Variants in ZFPM1 observed in about 807,000 individuals in gnomAD.
ZFPM1 encodes the protein zinc finger protein ZFPM1.
In ZFPM1, 28 loss-of-function variants were observed where a neutral mutation model predicts 46.3. That is an observed-to-expected ratio of 0.60 (90% confidence interval 0.45 to 0.83). ZFPM1 has a LOEUF of 0.83. ZFPM1 is among the 40% of genes least tolerant of loss of function. ZFPM1 has a pLI of 0.00. For missense variants in ZFPM1, 1,878 were observed against 1,432.4 expected (o/e 1.31, Z -5.02); for synonymous variants, 957 against 675.9 (o/e 1.42, Z -6.45).
chr16:88,534,625 G>A lies in ZFPM1; in HGVS notation c.2667G>A (p.Gly889=). Residue 889 remains glycine (G), a synonymous_variant, in exon 10 of 10, where the codon GGG becomes GGA. Transcript: ENST00000319555. ...TCGGCGCGCCCCTGGCCGGCCCGGG[G>A]GTCGAGGCCCGGACGCCGGCCGACC... is the stretch of plus-strand genomic sequence containing the variant. ...LLLGAPLAGP[G]VEARTPADRG... is the part of the protein sequence containing the mutation. 2.7e-6 allele frequency: 3 copies of A among 1,111,204 alleles called. No homozygotes were observed. Among genetic ancestry groups the A allele is most frequent in the Non-Finnish European group, 3.3e-6 (3 of 912,064 alleles). 68.8% of individuals were successfully genotyped at this position (1,111,204 alleles called of 1,614,324 possible).
intron 1 of ZFPM1, among the ~76,000 whole-genome samples, chr16:88,465,117 C>G (rs1273820162): frequency 6.6e-6 from 1 of 152,224 alleles, no homozygotes; most frequent in African/African-American, 2.4e-5. Context: ...GCCCCTGGGC[C>G]AGACCATGAA....
rs1032430144 is a variant in ZFPM1 at position 88,502,053 on chromosome 16, C to T, written c.269-12334C>T. ...CTCCTCCACCCCCGACGCGGCTCCA[C>T]CCGCCCCCCCCCATTTATTTATTTA... On this transcript the variant is annotated intron_variant, in intron 3 of 9. Transcript: ENST00000319555. Among the ~76,000 whole-genome samples, 30 of 46,360 alleles carry T rather than the reference C, an allele frequency of 6.5e-4. 1 individual carries two copies. The highest frequency in any genetic ancestry group is 1.0e-3 in the South Asian group (1 of 956). 30.4% of individuals were successfully genotyped at this position (46,360 alleles called of 152,430 possible).
chr16:88,514,931 G>A lies in ZFPM1; in HGVS notation c.402+411G>A, dbSNP rs1275744705. Among the ~76,000 whole-genome samples the A allele has an allele frequency of 3.3e-5, 5 of 152,164 alleles. No individual in the cohort carries two copies. In the East Asian group the frequency reaches 5.8e-4, roughly 18 times the overall value. The stretch of plus-strand genomic sequence containing the variant: ...GTCTGTCCCCGCGGACTCTTCTGAC[G>A]ACAGGCACGGCCGTCAGGCCCATGG... On this transcript the variant is annotated intron_variant, in intron 4 of 9. Transcript: ENST00000319555.
intron 4 of ZFPM1, chr16:88,516,536 T>G (rs887675746): frequency 1.0e-5 from 4 of 398,684 alleles, no homozygotes; most frequent in Non-Finnish European, 1.8e-5. Context: ...AATTAAATCC[T>G]TGATTAACCC....
At chr16:88,456,387 GTTT>G (rs1425278639) in intron 1 of ZFPM1, among the ~76,000 whole-genome samples, 1 of 151,552 alleles carries the variant, frequency 6.6e-6, no homozygotes, top group Non-Finnish European at 1.5e-5. Context: ...ACTGCTTGGA[GTTT>G]TCTTGAAAAA....
chr16:88,482,862 A>T (rs1399940506), intron 1 of ZFPM1, among the ~76,000 whole-genome samples: 9 of 152,166 alleles, frequency 5.9e-5, no homozygotes, highest in African/African-American at 1.9e-4. Flanking sequence ...TGCTCCCGCC[A>T]AGTCGGGGAT....
intron 4 of ZFPM1, among the ~76,000 whole-genome samples, chr16:88,519,757 G>A (rs1414325551): frequency 7.1e-6 from 1 of 139,980 alleles, no homozygotes; most frequent in Admixed American, 7.0e-5. Flanking sequence ...TAGATGGACA[G>A]ATGGATGGTG....
chr16:88,520,659 G>GATTA, intron 4 of ZFPM1, among the ~76,000 whole-genome samples: 1 of 138,314 alleles, frequency 7.2e-6, no homozygotes, highest in Non-Finnish European at 1.6e-5. Context: ...GTGGATGGAT[G>GATTA]GGAGGGTGGG....
Position 88,466,664 on chromosome 16 carries a change from A to G in ZFPM1, c.40+12986A>G, listed in dbSNP as rs527932760. 5.3e-5 allele frequency among the ~76,000 whole-genome samples: 8 copies of G among 152,282 alleles called. No individual in the cohort carries two copies. In the South Asian group the frequency reaches 1.7e-3, roughly 32 times the overall value. The stretch of plus-strand genomic sequence containing the variant: ...TCATTTCATCTGTCCCCAGAAAATA[A>G]GCTCCTTTGGTGAGAAAGTTGGTTT... On this transcript the variant is annotated intron_variant, in intron 1 of 9. Coordinates refer to ENST00000319555, the MANE Select transcript of ZFPM1 (RefSeq NM_153813.3).
At chr16:88,527,228 G>A (rs1912411210) in intron 5 of ZFPM1, among the ~76,000 whole-genome samples, 1 of 152,232 alleles carries the variant, frequency 6.6e-6, no homozygotes, top group African/African-American at 2.4e-5. Flanking sequence ...TGCCTTGGCT[G>A]CACCTCTGGG....
chr16:88,533,363 G>C lies in ZFPM1; in HGVS notation c.1405G>C (p.Glu469Gln). 1.3e-6 allele frequency: 2 copies of C among 1,530,784 alleles called. No homozygotes were observed. Among genetic ancestry groups the C allele is most frequent in the Non-Finnish European group, 1.7e-6 (2 of 1,144,118 alleles). The allele number at this position is 1,530,784 out of a possible 1,614,324, so 94.8% of individuals were successfully genotyped here. The change falls in exon 10 of 10, where the codon GAG becomes CAG. Residue 469 changes from glutamate (E) to glutamine (Q), a missense_variant. Transcript: ENST00000319555. ...PRSIKVEAVE[E>Q]PEAAPILGPG... ...GAGCATCAAGGTGGAGGCGGTGGAG[G>C]AGCCGGAGGCGGCCCCCATCCTGGG...
At chr16:88,493,353 C>T (rs1270679782) in intron 3 of ZFPM1, among the ~76,000 whole-genome samples, 5 of 141,802 alleles carry the variant, frequency 3.5e-5, no homozygotes, top group African/African-American at 1.3e-4. Context: ...AGACCTGTCC[C>T]GGGGTGGGGA....
At chr16:88,506,141 T>G (rs1910644501) in intron 3 of ZFPM1, among the ~76,000 whole-genome samples, 2 of 152,036 alleles carry the variant, frequency 1.3e-5, no homozygotes, top group Non-Finnish European at 2.9e-5. Context: ...AGGCCAGGCA[T>G]CATGGCCAGG....
At chr16:88,484,780 C>T (rs913420136) in intron 1 of ZFPM1, among the ~76,000 whole-genome samples, 2 of 152,314 alleles carry the variant, frequency 1.3e-5, no homozygotes, top group African/African-American at 4.8e-5. Flanking sequence ...TCACCAGCCC[C>T]GCCGGCGGAT....
At chr16:88,454,708 T>C (rs1907457204) in intron 1 of ZFPM1, among the ~76,000 whole-genome samples, 1 of 152,214 alleles carries the variant, frequency 6.6e-6, no homozygotes, top group Non-Finnish European at 1.5e-5. Context: ...CCCCACCCTA[T>C]GCCAATAATA....
intron 4 of ZFPM1, among the ~76,000 whole-genome samples, chr16:88,514,868 T>C (rs1478917938): frequency 6.6e-6 from 1 of 151,788 alleles, no homozygotes; most frequent in East Asian, 1.9e-4. Flanking sequence ...ACTGGGACGG[T>C]GGGGATGCTA....
rs1913056925 is a variant in ZFPM1, at chr16:88,534,116, C to T, written c.2158C>T (p.Pro720Ser). The change falls in exon 10 of 10, where the codon CCC becomes TCC. Residue 720 changes from proline (P) to serine (S), a missense_variant. Physicochemically the swap from Pro to Ser is moderately conservative, Grantham distance 74 (BLOSUM62 -1). Coordinates refer to ENST00000319555, the MANE Select transcript of ZFPM1 (RefSeq NM_153813.3). ...CCCGCCGCCGCGCCGACCGGCCGCG[C>T]CCCCGGGACCCCCTGGGCCGGCCGC... Reference protein sequence around the residue: ...HDPPPRRPAAPPGPPGPAAPP... With the variant: ...HDPPPRRPAASPGPPGPAAPP... 9.0e-7 allele frequency: 1 copy of T among 1,114,138 alleles called. No homozygotes were observed. Among genetic ancestry groups the T allele is most frequent in the East Asian group, 8.1e-5 (1 of 12,306 alleles). The allele number at this position is 1,114,138 out of a possible 1,614,324, so 69.0% of individuals were successfully genotyped here.
intron 1 of ZFPM1, among the ~76,000 whole-genome samples, chr16:88,479,726 A>G (rs1597238404): frequency 1.1e-5 from 1 of 91,756 alleles, no homozygotes; most frequent in Non-Finnish European, 2.1e-5. Context: ...ACCCAGGGCC[A>G]GCAAGACCAG....
At position 88,514,496 on chromosome 16, in the gene ZFPM1, C is replaced by T. The variant is rs756330789; in HGVS notation, c.378C>T (p.Ala126=). ...TCCATGGGAGTGTCCAGACCAGAGCCTCATCCCCCAGGCAGGCGGAGCCGG... is the reference window on the plus strand; with the variant it reads ...TCCATGGGAGTGTCCAGACCAGAGCTTCATCCCCCAGGCAGGCGGAGCCGG... The part of the protein sequence containing the change: ...GPFHGSVQTR[A]SSPRQAEPSP... Residue 126 remains alanine (A), a synonymous_variant, in exon 4 of 10, where the codon GCC becomes GCT. Coordinates refer to ENST00000319555, the MANE Select transcript of ZFPM1 (RefSeq NM_153813.3). The T allele has an allele frequency of 6.4e-7, 1 of 1,563,540 alleles. No individual in the cohort carries two copies. The highest frequency in any genetic ancestry group is 8.7e-7 in the Non-Finnish European group (1 of 1,154,428).
Sources: gnomAD v4.1 joint callset for allele counts (sites outside exome capture counted in the v4.1 genomes callset) on GRCh38, gnomAD v4.1.1 for gene constraint, MANE v1.5 for transcripts, NCBI Gene and HGNC (gene_info 2026-07-23, HGNC 2026-07-21) for gene names.